CELF2: variants seen among roughly 807,000 people sequenced by gnomAD.
The protein encoded by CELF2 is CUG triplet repeat RNA-binding protein 2.
In CELF2, 8 loss-of-function variants were observed where a neutral mutation model predicts 62.6. That is an observed-to-expected ratio of 0.13 (90% CI 0.07 to 0.23). The LOEUF (loss-of-function observed/expected upper bound fraction) is 0.23. CELF2 is among the 10% of genes least tolerant of loss of function. The pLI is 1.00. For missense variants in CELF2, 333 were observed against 671.0 expected (o/e 0.50, Z 5.56); for synonymous variants, 258 against 250.0 (o/e 1.03, Z -0.30).
chr10:10,682,601 G>T, the CELF2 span, among the ~76,000 whole-genome samples: 5 of 152,106 alleles, frequency 3.3e-5, no homozygotes, highest in East Asian at 7.8e-4. Context: ...TCTGCTTTTT[G>T]TCGTTCCTGG....
At chr10:10,590,232 CTTAAAG>C in the CELF2 span, among the ~76,000 whole-genome samples, 2 of 152,188 alleles carry the variant, frequency 1.3e-5, no homozygotes, top group Non-Finnish European at 2.9e-5. Flanking sequence ...GAAACATCAT[CTTAAAG>C]TTAATTTGTT....
chr10:10,758,059 G>T, the CELF2 span, among the ~76,000 whole-genome samples: 76 of 152,270 alleles, frequency 5.0e-4, no homozygotes, highest in African/African-American at 1.8e-3. Context: ...TCAGCAATCT[G>T]CAGATTTTCA....
chr10:11,066,180 A>G (rs2068104646), intron 1 of CELF2, among the ~76,000 whole-genome samples: 1 of 152,194 alleles, frequency 6.6e-6, no homozygotes, highest in Non-Finnish European at 1.5e-5. Context: ...GGATTTGAGC[A>G]GAAGAATGAG....
intron 2 of CELF2, among the ~76,000 whole-genome samples, chr10:11,204,313 C>G (rs997703754): frequency 1.1e-4 from 17 of 152,232 alleles, no homozygotes; most frequent in African/African-American, 3.9e-4. Context: ...AACCGCATCT[C>G]TCTTAGGCTA....
chr10:11,233,844 T>TG (rs1375776559), intron 3 of CELF2, among the ~76,000 whole-genome samples: 1 of 152,232 alleles, frequency 6.6e-6, no homozygotes, highest in Non-Finnish European at 1.5e-5. Flanking sequence ...TGAGGGGATT[T>TG]GGGAGGTTAT....
intron 3 of CELF2, among the ~76,000 whole-genome samples, chr10:11,221,666 A>G (rs1026445692): frequency 2.0e-5 from 3 of 152,212 alleles, no homozygotes; most frequent in Non-Finnish European, 2.9e-5. Context: ...GTTTTGAGAA[A>G]CCTCTTAAAT....
intron 2 of CELF2, among the ~76,000 whole-genome samples, chr10:11,175,746 A>G (rs2070835009): frequency 6.6e-6 from 1 of 152,200 alleles, no homozygotes; most frequent in Non-Finnish European, 1.5e-5. Flanking sequence ...TATAGAACAG[A>G]AACGATGAAA....
chr10:10,769,521 G>T, the CELF2 span, among the ~76,000 whole-genome samples: 1 of 152,134 alleles, frequency 6.6e-6, no homozygotes, highest in Non-Finnish European at 1.5e-5. Flanking sequence ...CTAGCACTTT[G>T]GGAGGCTGAG....
chr10:10,650,710 T>C, the CELF2 span, among the ~76,000 whole-genome samples: 1 of 152,234 alleles, frequency 6.6e-6, no homozygotes, highest in Admixed American at 6.5e-5. Context: ...AAGATAGAAC[T>C]GTCATACATT....
At chr10:10,697,852 A>G in the CELF2 span, among the ~76,000 whole-genome samples, 2 of 152,086 alleles carry the variant, frequency 1.3e-5, no homozygotes, top group African/African-American at 2.4e-5. Context: ...CAGTGGCACA[A>G]TCGGATTTCA....
At chr10:10,975,356 G>C (rs1156340645) in intron 2 of CELF2, among the ~76,000 whole-genome samples, 1 of 152,166 alleles carries the variant, frequency 6.6e-6, no homozygotes, top group African/African-American at 2.4e-5. Flanking sequence ...GGGCTAAAGT[G>C]ATCCTCCTGC....
chr10:10,465,523 C>A, the CELF2 span, among the ~76,000 whole-genome samples: 1 of 151,932 alleles, frequency 6.6e-6, no homozygotes, highest in Non-Finnish European at 1.5e-5. Flanking sequence ...TGAAAAAATT[C>A]TTATGGATGT....
At chr10:10,836,541 C>T (rs984180167) in intron 1 of CELF2, among the ~76,000 whole-genome samples, 1 of 152,192 alleles carries the variant, frequency 6.6e-6, no homozygotes, top group South Asian at 2.1e-4. Context: ...TGTATGCAGG[C>T]GAATCACTAC....
At chr10:10,988,552 A>G (rs1285191536) in intron 2 of CELF2, among the ~76,000 whole-genome samples, 3 of 152,122 alleles carry the variant, frequency 2.0e-5, no homozygotes, top group Non-Finnish European at 4.4e-5. Flanking sequence ...CAGACTACAT[A>G]TTAGGTACAG....
At chr10:10,921,322 T>C (rs1336781953) in intron 2 of CELF2, among the ~76,000 whole-genome samples, 1 of 150,956 alleles carries the variant, frequency 6.6e-6, no homozygotes, top group East Asian at 2.0e-4. Context: ...CAGGCTGGAG[T>C]GCAGTGGCAC....
upstream of CELF2, among the ~76,000 whole-genome samples, chr10:10,797,162 C>A (rs1287141457): frequency 6.6e-6 from 1 of 152,174 alleles, no homozygotes; most frequent in African/African-American, 2.4e-5. Flanking sequence ...GTGGGAGCAT[C>A]TTCCCCCCAG....
rs1349223048 is a variant in CELF2 at position 11,319,229 on chromosome 10, A to T, written c.1097-1960A>T. 1 of 398,250 alleles carries T rather than the reference A, an allele frequency of 2.5e-6. No homozygotes were observed. The highest frequency in any genetic ancestry group is 5.2e-6 in the Non-Finnish European group (1 of 193,138). 24.7% of individuals were successfully genotyped at this position (398,250 alleles called of 1,614,324 possible). On this transcript the variant is annotated intron_variant, in intron 10 of 12. Coordinates refer to ENST00000633077, the MANE Select transcript of CELF2 (RefSeq NM_001326342.2). This position sits in a 1 kb window ranked among gnomAD's most constrained non-coding sequence, Gnocchi z 4.4. Reference sequence around the variant, plus strand: ...TAACAGCCTGGCCAAAGTGAGACCAACAGAATTTATCAGCAGCGTCCAGCC... The same window carrying T: ...TAACAGCCTGGCCAAAGTGAGACCATCAGAATTTATCAGCAGCGTCCAGCC...
chr10:10,877,279 A>G (rs2061161798), intron 1 of CELF2, among the ~76,000 whole-genome samples: 1 of 152,246 alleles, frequency 6.6e-6, no homozygotes, highest in Non-Finnish European at 1.5e-5. Context: ...CACACCCGTG[A>G]CACAGCCTCA....
rs570151549 is a variant in CELF2 at position 10,984,476 on chromosome 10, C to T, written c.89+64477C>T. Among the ~76,000 whole-genome samples the T allele has an allele frequency of 5.9e-5, 9 of 152,256 alleles. No individual in the cohort carries two copies. In the South Asian group the frequency reaches 1.9e-3, roughly 32 times the overall value. On this transcript the variant is annotated intron_variant, in intron 2 of 13. Transcript: ENST00000636488. The stretch of plus-strand genomic sequence containing the variant: ...GGTTATGTGGACATAAGCCTGGCGC[C>T]GTTTGATTCTGACTCTAATGATATT...
Sources: allele counts gnomAD v4.1 joint callset (sites outside exome capture counted in the v4.1 genomes callset), GRCh38; gene constraint gnomAD v4.1.1; non-coding constraint Gnocchi (gnomAD v3.1); transcripts MANE v1.5; gene names NCBI Gene and HGNC (gene_info 2026-07-23, HGNC 2026-07-21).